The following KIAA1671 variants were observed in gnomAD, a reference collection of about 807,000 sequenced individuals.
The protein encoded by KIAA1671 is KIAA1671.
In KIAA1671, 52 loss-of-function variants were observed where a neutral mutation model predicts 131.2. The ratio of observed to expected loss-of-function variants is 0.40; its 90% CI spans 0.32 to 0.50. KIAA1671 has a LOEUF of 0.50. Among genes scored for constraint, KIAA1671 ranks in the 20% least tolerant of loss-of-function variants. KIAA1671 has a pLI of 0.73. For missense variants in KIAA1671, 2,360 were observed against 2,364.2 expected (o/e 1.00, Z 0.04); for synonymous variants, 1,003 against 961.6 (o/e 1.04, Z -0.80).
intron 6 of KIAA1671, among the ~76,000 whole-genome samples, chr22:25,093,984 G>A (rs575483136): frequency 9.2e-5 from 14 of 151,680 alleles, no homozygotes; most frequent in Non-Finnish European, 1.6e-4. Flanking sequence ...CTCACTTTGG[G>A]TTAAAGAAGG....
intron 1 of KIAA1671, among the ~76,000 whole-genome samples, chr22:24,965,667 G>A (rs577759383): frequency 4.7e-5 from 7 of 150,330 alleles, no homozygotes; most frequent in Non-Finnish European, 5.9e-5. Flanking sequence ...TTGAACCCGC[G>A]AGGTGGAGGT....
In KIAA1671 at chr22:25,044,888, C is replaced by T. The variant is rs945733074; in HGVS notation, c.4395+3363C>T. 8.5e-5 allele frequency among the ~76,000 whole-genome samples: 13 copies of T among 152,276 alleles called. No individual in the cohort carries two copies. The East Asian group carries it at 1.7e-3, about 20-fold the overall frequency. On this transcript the variant is annotated intron_variant, in intron 5 of 12. Transcript: ENST00000358431. Reference sequence around the variant, plus strand: ...TAAAATGTGAAATACTGGCTGGGCACGGTGGCTCATGCCTGTAATCCCAGC... The same window carrying T: ...TAAAATGTGAAATACTGGCTGGGCATGGTGGCTCATGCCTGTAATCCCAGC...
At chr22:25,127,665 C>T (rs1179034536) in intron 6 of KIAA1671, among the ~76,000 whole-genome samples, 1 of 152,216 alleles carries the variant, frequency 6.6e-6, no homozygotes, top group Non-Finnish European at 1.5e-5. Flanking sequence ...AAGTAGGAGG[C>T]ATTCCTATAC....
chr22:25,002,997 C>G (rs894053643), intron 1 of KIAA1671, among the ~76,000 whole-genome samples: 6 of 152,136 alleles, frequency 3.9e-5, no homozygotes, highest in African/African-American at 1.4e-4. Flanking sequence ...GTCTCGAACT[C>G]CTGAGCTCAA....
intron 1 of KIAA1671, chr22:25,009,597 C>T (rs6004391): frequency 0.44 from 61,320 of 139,700 alleles, 12,805 homozygotes; most frequent in Middle Eastern, 0.53. Flanking sequence ...TTTTTTTTTT[C>T]TTGAGACAGA....
intron 1 of KIAA1671, among the ~76,000 whole-genome samples, chr22:24,977,266 G>T (rs1922963075): frequency 6.6e-6 from 1 of 152,218 alleles, no homozygotes. Context: ...GAAACTGACA[G>T]CGCAATGGAG....
At chr22:24,985,170 A>G (rs536431074) in intron 1 of KIAA1671, among the ~76,000 whole-genome samples, 2 of 152,268 alleles carry the variant, frequency 1.3e-5, no homozygotes, top group African/African-American at 4.8e-5. Context: ...CTCTATTCAC[A>G]TTCCAAACTG....
chr22:25,076,049 T>C (rs1929093205), intron 6 of KIAA1671, among the ~76,000 whole-genome samples: 1 of 141,344 alleles, frequency 7.1e-6, no homozygotes. Flanking sequence ...ATGCTGGGAT[T>C]ACAGGCGTGA....
intron 1 of KIAA1671, among the ~76,000 whole-genome samples, chr22:24,996,428 C>A (rs902692178): frequency 1.3e-5 from 2 of 152,140 alleles, no homozygotes; most frequent in African/African-American, 4.8e-5. Context: ...ACTGGAATTG[C>A]CATTCCTTTT....
chr22:25,021,845 G>C (rs1179792173), intron 1 of KIAA1671, among the ~76,000 whole-genome samples: 1 of 151,640 alleles, frequency 6.6e-6, no homozygotes, highest in Non-Finnish European at 1.5e-5. Context: ...GGAGTGCAGT[G>C]GTGCGATCTC....
At chr22:25,016,309 G>C (rs895327334) in intron 1 of KIAA1671, among the ~76,000 whole-genome samples, 1 of 151,910 alleles carries the variant, frequency 6.6e-6, no homozygotes, top group African/African-American at 2.4e-5. Flanking sequence ...GTGAGCCACC[G>C]TGCCCAGCCA....
chr22:25,150,797 G>A (rs983560002), intron 6 of KIAA1671, among the ~76,000 whole-genome samples: 17 of 151,228 alleles, frequency 1.1e-4, no homozygotes, highest in African/African-American at 3.4e-4. Context: ...TAATGTGTGC[G>A]TAACTGTGTT....
At chr22:25,047,467 C>CTTT (rs1198576836) in intron 5 of KIAA1671, among the ~76,000 whole-genome samples, 1 of 120,468 alleles carries the variant, frequency 8.3e-6, no homozygotes, top group Non-Finnish European at 1.7e-5. Context: ...GCCTCTTTTC[C>CTTT]TTTTTTTTTT....
chr22:25,065,800 C>T (rs553222864), intron 6 of KIAA1671, among the ~76,000 whole-genome samples: 7 of 151,928 alleles, frequency 4.6e-5, no homozygotes, highest in South Asian at 2.1e-4. Flanking sequence ...CCACCACGCC[C>T]GGCTAATTTT....
At chr22:25,101,974 C>T (rs1022765421) in intron 6 of KIAA1671, among the ~76,000 whole-genome samples, 6 of 152,166 alleles carry the variant, frequency 3.9e-5, no homozygotes, top group East Asian at 3.9e-4. Flanking sequence ...TATAAGGAAA[C>T]GGGAGGTGTC....
chr22:25,133,528 T>A (rs1932540150), intron 6 of KIAA1671, among the ~76,000 whole-genome samples: 1 of 152,212 alleles, frequency 6.6e-6, no homozygotes, highest in Non-Finnish European at 1.5e-5. Context: ...TGTTAGTTCC[T>A]TCTTCCTGTA....
intron 6 of KIAA1671, among the ~76,000 whole-genome samples, chr22:25,109,475 A>C (rs1015278968): frequency 6.6e-6 from 1 of 152,092 alleles, no homozygotes; most frequent in Non-Finnish European, 1.5e-5. Flanking sequence ...TCTGCTAACC[A>C]CACGGACCAA....
chr22:25,028,491 G>A lies in KIAA1671; in HGVS notation c.492G>A (p.Ala164=). ...TGGGGAAGGCGGTTAGTGAGGGGGC[G>A]GAGGAGGCCAAGCTAGGTGTGTCCG... ...PALGKAVSEG[A]EEAKLGVSGS... Residue 164 remains alanine, a synonymous_variant, in exon 3 of 13, where the codon GCG becomes GCA. Transcript: ENST00000358431. 5 of 1,549,498 alleles carry A rather than the reference G, an allele frequency of 3.2e-6. No individual in the cohort carries two copies. The highest frequency in any genetic ancestry group is 2.0e-5 in the Admixed American group (1 of 50,882).
At chr22:25,061,885 C>G (rs930410003) in intron 6 of KIAA1671, 7 of 152,368 alleles carry the variant, frequency 4.6e-5, no homozygotes, top group Non-Finnish European at 7.3e-5. Flanking sequence ...TTGCTTCTCC[C>G]TCTTTTCTCA....
Sources: allele counts gnomAD v4.1 joint callset (sites outside exome capture counted in the v4.1 genomes callset), GRCh38; gene constraint gnomAD v4.1.1; transcripts MANE v1.5; gene names NCBI Gene and HGNC (gene_info 2026-07-23, HGNC 2026-07-21).